The following CNTN6 variants were observed in gnomAD, a reference collection of about 807,000 sequenced individuals.
CNTN6 encodes contactin 6.
A neutral mutation model predicts 122.8 loss-of-function variants in CNTN6; 137 were observed. That is an observed-to-expected ratio of 1.12 (90% CI 0.97 to 1.29). The LOEUF (loss-of-function observed/expected upper bound fraction) is 1.29, where lower values mean the gene tolerates loss of function less well. CNTN6 is among the 50% of genes most tolerant of loss of function. The pLI is 0.00. For missense variants in CNTN6, 1,634 were observed against 1,223.4 expected (o/e 1.34, Z -5.01); for synonymous variants, 570 against 426.0 (o/e 1.34, Z -4.16).
At chr3:1,322,506 T>G (rs1429698194) in intron 8 of CNTN6, among the ~76,000 whole-genome samples, 1 of 151,790 alleles carries the variant, frequency 6.6e-6, no homozygotes, top group Non-Finnish European at 1.5e-5. Context: ...TAAAAGATCC[T>G]TAACTTCTTT....
intron 4 of CNTN6, among the ~76,000 whole-genome samples, chr3:1,242,693 G>C (rs1019975656): frequency 2.6e-5 from 4 of 152,186 alleles, no homozygotes; most frequent in Non-Finnish European, 5.9e-5. Context: ...AGGAGGCTTT[G>C]GGTTGGGGAG....
chr3:1,248,837 C>G (rs2094618357), intron 4 of CNTN6, among the ~76,000 whole-genome samples: 1 of 151,476 alleles, frequency 6.6e-6, no homozygotes, highest in African/African-American at 2.4e-5. Flanking sequence ...GCCTGGACAA[C>G]AAGAGAGAAA....
intron 2 of CNTN6, among the ~76,000 whole-genome samples, chr3:1,168,761 T>C (rs2093306460): frequency 6.6e-6 from 1 of 152,142 alleles, no homozygotes; most frequent in Non-Finnish European, 1.5e-5. Flanking sequence ...GCATTTTGCA[T>C]GTTCTCTCTA....
chr3:1,361,020 C>G lies in CNTN6; in HGVS notation c.1492+8569C>G, dbSNP rs76402789. 2.9e-3 allele frequency among the ~76,000 whole-genome samples: 439 copies of G among 152,200 alleles called. 2 individuals carry two copies. The highest frequency in any genetic ancestry group is 0.01 in the African/African-American group (416 of 41,546). ...TAACCACTTCTCTCCGCTTCAATGA[C>G]CAAACTTTAAGCCATGCCATCTCTT... On this transcript the variant is annotated intron_variant, in intron 12 of 22. Transcript: ENST00000446702.
chr3:1,266,798 T>C (rs939723259), intron 4 of CNTN6, among the ~76,000 whole-genome samples: 2 of 152,080 alleles, frequency 1.3e-5, no homozygotes, highest in African/African-American at 4.8e-5. Flanking sequence ...ATAAATGCAG[T>C]TGTTCTTGGA....
At chr3:1,333,797 A>G (rs2126012645) in intron 11 of CNTN6, among the ~76,000 whole-genome samples, 1 of 152,234 alleles carries the variant, frequency 6.6e-6, no homozygotes, top group Middle Eastern at 3.4e-3. Flanking sequence ...CATGAATTGA[A>G]ACAGCTTCCA....
intron 1 of CNTN6, among the ~76,000 whole-genome samples, chr3:1,120,955 A>G (rs1238909590): frequency 2.1e-5 from 3 of 141,340 alleles, no homozygotes; most frequent in Non-Finnish European, 4.8e-5. Flanking sequence ...AAAGTCTTCT[A>G]AAGTTTGTTT....
At chr3:1,339,311 T>G (rs1703552492) in intron 11 of CNTN6, among the ~76,000 whole-genome samples, 1 of 152,144 alleles carries the variant, frequency 6.6e-6, no homozygotes, top group South Asian at 2.1e-4. Flanking sequence ...GAGCATAGTT[T>G]GAGGACTACT....
intron 2 of CNTN6, among the ~76,000 whole-genome samples, chr3:1,209,026 GT>G (rs1342647634): frequency 6.6e-5 from 10 of 152,134 alleles, no homozygotes; most frequent in African/African-American, 2.4e-4. Context: ...TTTTATTTTG[GT>G]CTGGCTTTAA....
At chr3:1,207,652 C>T (rs546494611) in intron 2 of CNTN6, among the ~76,000 whole-genome samples, 4 of 152,014 alleles carry the variant, frequency 2.6e-5, no homozygotes, top group Non-Finnish European at 5.9e-5. Flanking sequence ...TTTGTTTGTT[C>T]ATTTATCTTA....
At chr3:1,387,890 G>A (rs1214564137) in intron 20 of CNTN6, among the ~76,000 whole-genome samples, 9 of 152,298 alleles carry the variant, frequency 5.9e-5, no homozygotes, top group Admixed American at 2.6e-4. Context: ...ATTATATCCT[G>A]CACCCGGCTC....
intron 4 of CNTN6, among the ~76,000 whole-genome samples, chr3:1,257,373 C>T (rs187029651): frequency 2.3e-3 from 355 of 152,224 alleles, no homozygotes; most frequent in South Asian, 4.6e-3. Flanking sequence ...ATTTCTCTCT[C>T]ATTTTCTTTA....
At chr3:1,395,902 G>A (rs1480449753) in intron 20 of CNTN6, among the ~76,000 whole-genome samples, 1 of 152,072 alleles carries the variant, frequency 6.6e-6, no homozygotes, top group African/African-American at 2.4e-5. Flanking sequence ...GAAAGGTTTT[G>A]TCATGGCCTC....
chr3:1,210,342 G>T (rs1310766724), intron 2 of CNTN6, among the ~76,000 whole-genome samples: 3 of 149,662 alleles, frequency 2.0e-5, no homozygotes, highest in Non-Finnish European at 4.4e-5. Context: ...ATTGGTAAAA[G>T]ATAAATACGT....
intron 5 of CNTN6, among the ~76,000 whole-genome samples, chr3:1,287,754 C>T (rs1694594756): frequency 6.6e-6 from 1 of 152,178 alleles, no homozygotes; most frequent in African/African-American, 2.4e-5. Context: ...CTAAAAGACA[C>T]TCCCACCAGC....
At chr3:1,230,353 A>G (rs2094338664) in intron 4 of CNTN6, among the ~76,000 whole-genome samples, 1 of 152,210 alleles carries the variant, frequency 6.6e-6, no homozygotes, top group Non-Finnish European at 1.5e-5. Flanking sequence ...GGACAGTGAC[A>G]TGGAGTCACT....
At chr3:1,102,744 C>CATAA (rs1338665373) in intron 1 of CNTN6, among the ~76,000 whole-genome samples, 1 of 145,912 alleles carries the variant, frequency 6.9e-6, no homozygotes, top group African/African-American at 2.5e-5. Context: ...TAAATAAATA[C>CATAA]ATAAATAAGA....
At chr3:1,108,876 C>G (rs1294075879) in intron 1 of CNTN6, among the ~76,000 whole-genome samples, 1 of 151,838 alleles carries the variant, frequency 6.6e-6, no homozygotes, top group Non-Finnish European at 1.5e-5. Flanking sequence ...TTGTTAAGGA[C>G]CTACTGTTGA....
chr3:1,180,423 C>A (rs1400890036), intron 2 of CNTN6, among the ~76,000 whole-genome samples: 1 of 152,140 alleles, frequency 6.6e-6, no homozygotes, highest in Non-Finnish European at 1.5e-5. Flanking sequence ...GTTATTAGTT[C>A]CCACCAAAAT....
Sources: gnomAD v4.1 joint callset for allele counts (sites outside exome capture counted in the v4.1 genomes callset) on GRCh38, gnomAD v4.1.1 for gene constraint, MANE v1.5 for transcripts, NCBI Gene and HGNC (gene_info 2026-07-23, HGNC 2026-07-21) for gene names.